TSKS: variants seen among roughly 807,000 people sequenced by gnomAD.
TSKS encodes testis specific serine kinase substrate, also known as testis-specific serine kinase substrate.
TSKS carries 27 observed loss-of-function variants against 68.0 expected under a neutral mutation model. That is an observed-to-expected ratio of 0.40 (90% CI 0.29 to 0.55). The LOEUF is 0.55. TSKS is among the 20% of genes least tolerant of loss of function. The pLI, the probability that TSKS is intolerant of heterozygous loss-of-function variation, is 0.53. For synonymous variants in TSKS, 331 were observed against 340.4 expected, an observed-to-expected ratio of 0.97 and a Z score of 0.30; for missense variants, 806 against 776.0, an observed-to-expected ratio of 1.04 and a Z score of -0.46.
chr19:49,751,301 CAAA>C (rs55750605), intron 2 of TSKS, among the ~76,000 whole-genome samples: 42 of 35,088 alleles, frequency 1.2e-3, no homozygotes, highest in East Asian at 5.8e-3. Context: ...GATTCCATCT[CAAA>C]AAAAAAAAAA....
chr19:49,754,359 C>G (rs2084376617), intron 2 of TSKS, among the ~76,000 whole-genome samples: 1 of 151,708 alleles, frequency 6.6e-6, no homozygotes, highest in South Asian at 2.1e-4. Flanking sequence ...ATTAGACAGG[C>G]ATGGTGGTGC....
At chr19:49,762,998 G>A in intron 1 of TSKS, 80 bp downstream of exon 1, 1 of 1,480,736 alleles carries the variant, frequency 6.8e-7, no homozygotes, top group Admixed American at 2.2e-5. Context: ...CCTTCCTCTA[G>A]CACCCACAGT....
intron 2 of TSKS, among the ~76,000 whole-genome samples, chr19:49,749,255 C>T (rs2084328881): frequency 6.6e-6 from 1 of 152,118 alleles, no homozygotes; most frequent in South Asian, 2.1e-4. Context: ...GCCTATTTTA[C>T]AAGTGAGACA....
At chr19:49,744,150 T>C in intron 8 of TSKS, 81 bp downstream of exon 8, 1 of 1,466,100 alleles carries the variant, frequency 6.8e-7, no homozygotes, top group Non-Finnish European at 9.4e-7. Context: ...CGCCCCACCC[T>C]TCACTAATGT....
At chr19:49,749,325 C>T (rs981850009) in intron 2 of TSKS, among the ~76,000 whole-genome samples, 2 of 152,160 alleles carry the variant, frequency 1.3e-5, no homozygotes, top group Non-Finnish European at 2.9e-5. Context: ...ATTAGGTGAT[C>T]TCATCAGAAT....
chr19:49,743,401 T>C (rs2084268513), intron 8 of TSKS, among the ~76,000 whole-genome samples: 1 of 151,672 alleles, frequency 6.6e-6, no homozygotes, highest in African/African-American at 2.4e-5. Flanking sequence ...TTTATTTTAT[T>C]GAGACACAGT....
chr19:49,753,919 C>T (rs1360807531), intron 2 of TSKS, among the ~76,000 whole-genome samples: 1 of 149,332 alleles, frequency 6.7e-6, no homozygotes, highest in Non-Finnish European at 1.5e-5. Context: ...GAGTCTCCCT[C>T]TGTCCCCCAG....
At chr19:49,761,970 G>T (rs1193581073) in intron 2 of TSKS, 34 bp downstream of exon 2, 1 of 1,570,770 alleles carries the variant, frequency 6.4e-7, no homozygotes, top group Admixed American at 1.7e-5. Flanking sequence ...GAGGACCTCG[G>T]TCCTCCCCAG....
At chr19:49,744,125 T>A in intron 8 of TSKS, 106 bp downstream of exon 8, 1 of 1,226,942 alleles carries the variant, frequency 8.2e-7, no homozygotes, top group Non-Finnish European at 1.2e-6. Context: ...ATACCTTGTC[T>A]CCCAAAATGA....
At position 49,746,691 on chromosome 19, in the gene TSKS, CT is replaced by C. The variant is rs752179272; in HGVS notation, c.770del (p.Glu257GlyfsTer59). 5.4e-6 allele frequency: 7 copies of C among 1,296,454 alleles called. No individual in the cohort carries two copies. The highest frequency in any genetic ancestry group is 2.7e-5 in the African/African-American group (1 of 36,468). The allele number at this position is 1,296,454 out of a possible 1,614,324, so 80.3% of individuals were successfully genotyped here. A position where few individuals can be genotyped will look rare whatever the true frequency, so the allele number is the denominator to read the frequency against. ...CCTCCGGCTTCTGCTTCTCCTCCGG[CT>C]CCTGCTTCTCCTCCGGCTCCTGCTT... ...EEKQEPEEKQ[E>X]PEEKQKPEAG... On this transcript the variant is annotated frameshift_variant, in exon 6 of 11. Coordinates refer to ENST00000246801, the MANE Select transcript of TSKS (RefSeq NM_021733.2). LOFTEE classifies it high-confidence loss of function.
chr19:49,758,045 C>T (rs555581411), intron 2 of TSKS, among the ~76,000 whole-genome samples: 1 of 151,746 alleles, frequency 6.6e-6, no homozygotes, highest in Non-Finnish European at 1.5e-5. Flanking sequence ...CATGTGCCCC[C>T]CTCTGTCTCT....
chr19:49,759,954 A>G (rs1019513674), intron 2 of TSKS, among the ~76,000 whole-genome samples: 1 of 150,866 alleles, frequency 6.6e-6, no homozygotes, highest in African/African-American at 2.4e-5. Flanking sequence ...GGAGTTCGAG[A>G]CCAGCCTGGC....
At chr19:49,740,610 G>A (rs1042523701) in intron 9 of TSKS, among the ~76,000 whole-genome samples, 67 of 152,282 alleles carry the variant, frequency 4.4e-4, no homozygotes, top group Admixed American at 4.0e-3. Context: ...CTGGCCGGGC[G>A]CAGTGGCTCA....
At chr19:49,754,773 A>T (rs1160236361) in intron 2 of TSKS, among the ~76,000 whole-genome samples, 1 of 152,128 alleles carries the variant, frequency 6.6e-6, no homozygotes, top group African/African-American at 2.4e-5. Context: ...CACTAAAGAG[A>T]CAAACATTAT....
At chr19:49,744,955 C>T (rs116695483) in intron 7 of TSKS, among the ~76,000 whole-genome samples, 1,658 of 152,286 alleles carry the variant, frequency 0.011, 33 homozygotes, top group African/African-American at 0.037. Context: ...TCGGATCCCA[C>T]TTGACCCCAC....
Position 49,762,108 on chromosome 19 carries a change from C to G in TSKS, c.295G>C (p.Asp99His), listed in dbSNP as rs747008997. 6.2e-7 allele frequency: 1 copy of G among 1,614,150 alleles called. No homozygotes were observed. The highest frequency in any genetic ancestry group is 8.5e-7 in the Non-Finnish European group (1 of 1,180,040). The change falls in exon 2 of 11, where the codon GAC becomes CAC. Residue 99 changes from aspartate (D) to histidine (H), a missense_variant. Transcript: ENST00000246801. ...CCGCTGAGGTCTTCCACTGTGGAGTCTGTCCCCGTGGAGTCAGTGGGCTCC... is the reference window on the plus strand; with the variant it reads ...CCGCTGAGGTCTTCCACTGTGGAGTGTGTCCCCGTGGAGTCAGTGGGCTCC... ...AMEPTDSTGTDSTVEDLSGQL... is the reference protein window; with the variant it reads ...AMEPTDSTGTHSTVEDLSGQL...
chr19:49,749,232 T>C lies in TSKS; in HGVS notation c.400-763A>G, dbSNP rs2084328707. Among the ~76,000 whole-genome samples, 3 of 152,324 alleles carry C rather than the reference T, an allele frequency of 2.0e-5. No individual in the cohort carries two copies. The South Asian group carries it at 6.2e-4, about 32-fold the overall frequency. ...CTTTTATTCTTCACAACTCCGCCTC[T>C]TGAGGTTATTTGGCCTATTTTACAA... On this transcript the variant is annotated intron_variant, in intron 2 of 10. Transcript: ENST00000246801.
In TSKS at chr19:49,763,003, C is replaced by A; in HGVS notation, c.170+75G>T. On this transcript the variant is annotated intron_variant, in intron 1 of 10. Transcript: ENST00000246801. This position sits in a 1 kb window ranked among gnomAD's most constrained non-coding sequence, Gnocchi z 4.5. Reference sequence around the variant, plus strand: ...TTCCCCCTCCCCTTCCTCTAGCACCCACAGTCGGACTCCTGCTCTGTTGGA... The same window carrying A: ...TTCCCCCTCCCCTTCCTCTAGCACCAACAGTCGGACTCCTGCTCTGTTGGA... 6.6e-7 allele frequency: 1 copy of A among 1,512,284 alleles called. No homozygotes were observed. Among genetic ancestry groups the A allele is most frequent in the South Asian group, 1.3e-5 (1 of 76,864 alleles). 93.7% of individuals were successfully genotyped at this position (1,512,284 alleles called of 1,614,324 possible).
intron 2 of TSKS, among the ~76,000 whole-genome samples, chr19:49,760,006 A>G (rs932206552): frequency 3.3e-5 from 5 of 151,392 alleles, no homozygotes; most frequent in Non-Finnish European, 7.4e-5. Context: ...TACAAAAATT[A>G]GTCAGGTGTG....
Sources: allele counts gnomAD v4.1 joint callset (sites outside exome capture counted in the v4.1 genomes callset), GRCh38; gene constraint gnomAD v4.1.1; non-coding constraint Gnocchi (gnomAD v3.1); transcripts MANE v1.5; gene names NCBI Gene and HGNC (gene_info 2026-07-23, HGNC 2026-07-21).